DEPDC5: variants seen among roughly 807,000 people sequenced by gnomAD.
DEPDC5 encodes the protein GATOR1 complex protein DEPDC5.
Under a neutral mutation model 217.3 loss-of-function variants are expected in DEPDC5, and 73 were observed. That is an observed-to-expected ratio of 0.34 (90% CI 0.28 to 0.41). The LOEUF is 0.41. Ranked by LOEUF, DEPDC5 falls within the 10% of genes least tolerant of loss-of-function variation. DEPDC5 has a pLI of 1.00. For missense variants in DEPDC5, 1,675 were observed against 2,070.1 expected, an observed-to-expected ratio of 0.81 and a Z score of 3.70; for synonymous variants, 733 against 756.7, an observed-to-expected ratio of 0.97 and a Z score of 0.51.
intron 36 of DEPDC5, 72 bp downstream of exon 36, chr22:31,874,477 A>G: frequency 1.3e-6 from 2 of 1,506,032 alleles, no homozygotes; most frequent in Middle Eastern, 1.8e-4. Flanking sequence ...CTTAGAAGCC[A>G]TCACCCTTTC....
At chr22:31,836,428 C>T (rs1242274410) in intron 25 of DEPDC5, among the ~76,000 whole-genome samples, 1 of 152,246 alleles carries the variant, frequency 6.6e-6, no homozygotes, top group African/African-American at 2.4e-5. Flanking sequence ...CTTAAAGTTC[C>T]AGCCTCCTAA....
intron 24 of DEPDC5, among the ~76,000 whole-genome samples, chr22:31,824,694 A>G (rs9606878): frequency 0.59 from 89,263 of 151,842 alleles, 26,581 homozygotes; most frequent in Admixed American, 0.67. Context: ...CTAGCCGGGC[A>G]CTGTGGCTCA....
intron 18 of DEPDC5, 99 bp downstream of exon 18, chr22:31,806,290 G>A (rs2087530665): frequency 1.9e-6 from 2 of 1,053,232 alleles, no homozygotes; most frequent in Non-Finnish European, 2.8e-6. Flanking sequence ...GCCTCCCAAA[G>A]TGTTGGGATT....
At chr22:31,847,531 T>G (rs893306116) in intron 31 of DEPDC5, among the ~76,000 whole-genome samples, 2 of 152,166 alleles carry the variant, frequency 1.3e-5, no homozygotes, top group African/African-American at 4.8e-5. Context: ...AACACATCCT[T>G]CTTCACATGG....
chr22:31,861,058 C>T (rs568616814), intron 32 of DEPDC5, among the ~76,000 whole-genome samples: 1 of 152,184 alleles, frequency 6.6e-6, no homozygotes, highest in South Asian at 2.1e-4. Context: ...TTGGACACAC[C>T]TTCCAACCTG....
intron 12 of DEPDC5, among the ~76,000 whole-genome samples, chr22:31,796,610 A>G (rs1195377664): frequency 6.6e-6 from 1 of 152,122 alleles, no homozygotes; most frequent in East Asian, 1.9e-4. Flanking sequence ...AAGGCTTTCT[A>G]TTTGTACAGC....
intron 3 of DEPDC5, among the ~76,000 whole-genome samples, chr22:31,759,838 A>G (rs1450413659): frequency 6.6e-6 from 1 of 150,580 alleles, no homozygotes; most frequent in Non-Finnish European, 1.5e-5. Context: ...GTGGGCCACC[A>G]CACCTGGCTA....
intron 4 of DEPDC5, among the ~76,000 whole-genome samples, chr22:31,761,760 G>A (rs565205815): frequency 4.9e-4 from 75 of 151,802 alleles, no homozygotes; most frequent in South Asian, 8.3e-4. Context: ...CTGAGCTCAG[G>A]AGTTTGCGAC....
chr22:31,895,682 A>C (rs760976499), intron 39 of DEPDC5, among the ~76,000 whole-genome samples: 7 of 151,860 alleles, frequency 4.6e-5, no homozygotes, highest in Non-Finnish European at 8.8e-5. Flanking sequence ...TGAGTACAGC[A>C]TGAGCCAGCA....
intron 33 of DEPDC5, among the ~76,000 whole-genome samples, chr22:31,862,085 A>G (rs931662238): frequency 2.0e-5 from 3 of 152,052 alleles, no homozygotes; most frequent in Non-Finnish European, 1.5e-5. Flanking sequence ...TACTAAAAAT[A>G]CAAAAAATTA....
intron 7 of DEPDC5, among the ~76,000 whole-genome samples, chr22:31,774,505 A>G (rs2083643217): frequency 6.6e-6 from 1 of 150,852 alleles, no homozygotes; most frequent in African/African-American, 2.4e-5. Context: ...AGCCACACCA[A>G]GCTTGTTTTA....
At chr22:31,775,502 T>G (rs2083748058) in intron 7 of DEPDC5, among the ~76,000 whole-genome samples, 1 of 152,120 alleles carries the variant, frequency 6.6e-6, no homozygotes, top group Non-Finnish European at 1.5e-5. Context: ...TTATGAGGAC[T>G]GATTGCTTAG....
At chr22:31,838,399 A>G (rs754035031) in intron 26 of DEPDC5, among the ~76,000 whole-genome samples, 1 of 151,742 alleles carries the variant, frequency 6.6e-6, no homozygotes, top group Non-Finnish European at 1.5e-5. Context: ...GTGCCACCAT[A>G]CTTGGTTAAT....
At chr22:31,832,348 G>T (rs1274706203) in intron 24 of DEPDC5, among the ~76,000 whole-genome samples, 3 of 152,146 alleles carry the variant, frequency 2.0e-5, no homozygotes, top group Admixed American at 6.5e-5. Flanking sequence ...TTCCAAAGTG[G>T]TGTGCCATTT....
intron 10 of DEPDC5, among the ~76,000 whole-genome samples, chr22:31,786,923 T>C (rs2085054745): frequency 6.6e-6 from 1 of 152,000 alleles, no homozygotes; most frequent in African/African-American, 2.4e-5. Context: ...GGATTACAGG[T>C]GCCCGCTACC....
At chr22:31,826,270 G>T (rs1368613376) in intron 24 of DEPDC5, among the ~76,000 whole-genome samples, 1 of 152,102 alleles carries the variant, frequency 6.6e-6, no homozygotes, top group Non-Finnish European at 1.5e-5. Context: ...GCCTCCCAAA[G>T]TGCTGGGATT....
At chr22:31,788,761 A>G (rs1343539173) in intron 10 of DEPDC5, among the ~76,000 whole-genome samples, 2 of 151,704 alleles carry the variant, frequency 1.3e-5, no homozygotes, top group African/African-American at 4.8e-5. Flanking sequence ...TTTTTAGTAG[A>G]GACGGGGTTT....
At chr22:31,886,773 AAAAG>A (rs980417113) in intron 38 of DEPDC5, among the ~76,000 whole-genome samples, 7 of 135,604 alleles carry the variant, frequency 5.2e-5, no homozygotes, top group South Asian at 2.1e-4. Context: ...AAAAAAAAAA[AAAAG>A]AGAGAGAGAG....
At chr22:31,784,223 G>A in intron 9 of DEPDC5, 1 of 327,588 alleles carries the variant, frequency 3.1e-6, no homozygotes, top group Non-Finnish European at 5.6e-6. Flanking sequence ...CCTCTTAGTA[G>A]TGAGGCAGAT....
Sources: gnomAD v4.1 joint callset for allele counts (sites outside exome capture counted in the v4.1 genomes callset) on GRCh38, gnomAD v4.1.1 for gene constraint, MANE v1.5 for transcripts, NCBI Gene and HGNC (gene_info 2026-07-23, HGNC 2026-07-21) for gene names.